WNT3A: variants seen among roughly 807,000 people sequenced by gnomAD.
The protein encoded by WNT3A is Wnt family member 3A, also known as protein Wnt-3a.
A neutral mutation model predicts 37.0 loss-of-function variants in WNT3A; 17 were observed. The ratio of observed to expected loss-of-function variants is 0.46; its 90% CI spans 0.31 to 0.69. The LOEUF is 0.69. WNT3A is among the 30% of genes least tolerant of loss of function. WNT3A has a pLI of 0.05. For missense variants in WNT3A, 411 were observed against 510.2 expected (o/e 0.81, Z 1.87); for synonymous variants, 187 against 211.0 (o/e 0.89, Z 0.99).
In WNT3A at chr1:228,031,514, T is replaced by C. The variant is rs2031008820; in HGVS notation, c.313+8606T>C. On this transcript the variant is annotated intron_variant, in intron 2 of 3. Coordinates refer to ENST00000284523, the MANE Select transcript of WNT3A (RefSeq NM_033131.4). This position sits in a 1 kb window ranked among gnomAD's most constrained non-coding sequence, Gnocchi z 4.8. ...TGTGTGGCGTGTGATGCATTGTGTG[T>C]ATGTGAGTGTGCACGTGTGTGGGAA... Among the ~76,000 whole-genome samples the C allele has an allele frequency of 1.3e-5, 2 of 152,152 alleles. No individual in the cohort carries two copies. The highest frequency in any genetic ancestry group is 4.1e-4 in the South Asian group (2 of 4,822).
At chr1:228,057,023 G>T (rs908610725) in intron 3 of WNT3A, among the ~76,000 whole-genome samples, 4 of 152,118 alleles carry the variant, frequency 2.6e-5, no homozygotes, top group African/African-American at 9.7e-5. Flanking sequence ...AAATCTGCAA[G>T]AAAATGAAAT....
In WNT3A at chr1:228,007,472, G is replaced by A. The variant is rs2030232623; in HGVS notation, c.71+273G>A. Among the ~76,000 whole-genome samples the A allele has an allele frequency of 6.6e-6, 1 of 152,184 alleles. No individual in the cohort carries two copies. The highest frequency in any genetic ancestry group is 1.5e-5 in the Non-Finnish European group (1 of 68,020). On this transcript the variant is annotated intron_variant, in intron 1 of 3. Coordinates refer to ENST00000284523, the MANE Select transcript of WNT3A (RefSeq NM_033131.4). This position sits in a 1 kb window ranked among gnomAD's most constrained non-coding sequence, Gnocchi z 6.0. ...CCTAGCTGCCCCTGGCGTCGGACAG[G>A]GCGAGCAGTGGGCTGGGGAGAGGCT...
Position 228,060,253 on chromosome 1 carries a change from AC to A in WNT3A, c.*793del. 7.4e-7 allele frequency: 1 copy of A among 1,351,176 alleles called. No homozygotes were observed. The highest frequency in any genetic ancestry group is 1.5e-5 in the African/African-American group (1 of 67,610). 83.7% of individuals were successfully genotyped at this position (1,351,176 alleles called of 1,614,324 possible). On this transcript the variant is annotated 3_prime_UTR_variant, in exon 4 of 4. Coordinates refer to ENST00000284523, the MANE Select transcript of WNT3A (RefSeq NM_033131.4). ...CAGCCCACCAGCCACCTCATCCCCA[AC>A]CCCCTGTAAGGTTCCATCCACCCCT... is the stretch of plus-strand genomic sequence containing the variant.
At chr1:228,033,046 G>GT (rs1396171129) in intron 2 of WNT3A, among the ~76,000 whole-genome samples, 1 of 152,180 alleles carries the variant, frequency 6.6e-6, no homozygotes, top group African/African-American at 2.4e-5. Context: ...TCGTTGAGTT[G>GT]TAAGAGTGCT....
chr1:228,032,214 G>A lies in WNT3A; in HGVS notation c.313+9306G>A, dbSNP rs118086606. On this transcript the variant is annotated intron_variant, in intron 2 of 3. Transcript: ENST00000284523. The stretch of plus-strand genomic sequence containing the variant: ...GCATCTGAGCCCAGCTGGAGGCCAG[G>A]AGGAAGCTAGCCTCATGAGTCACAC... Among the ~76,000 whole-genome samples, 688 of 152,340 alleles carry A rather than the reference G, an allele frequency of 4.5e-3. 23 individuals carry two copies. The highest frequency in any genetic ancestry group is 0.038 in the East Asian group (197 of 5,180).
At chr1:228,040,752 G>A (rs905872262) in intron 2 of WNT3A, among the ~76,000 whole-genome samples, 2 of 151,788 alleles carry the variant, frequency 1.3e-5, no homozygotes, top group Non-Finnish European at 2.9e-5. Context: ...TGGGCATGGT[G>A]GTGGGCACCT....
chr1:228,018,734 G>T (rs961656362), intron 1 of WNT3A, among the ~76,000 whole-genome samples: 13 of 152,144 alleles, frequency 8.5e-5, no homozygotes, highest in African/African-American at 2.9e-4. Context: ...GATCCTTCAA[G>T]GCCCAGCCAA....
Position 228,058,992 on chromosome 1 carries a change from G to T in WNT3A, c.586G>T (p.Ala196Ser), listed in dbSNP as rs1057507875. The T allele has an allele frequency of 6.2e-7, 1 of 1,609,014 alleles. No individual in the cohort carries two copies. Among genetic ancestry groups the T allele is most frequent in the Non-Finnish European group, 8.5e-7 (1 of 1,177,620 alleles). Residue 196 changes from alanine to serine, a missense_variant, in exon 4 of 4, where the codon GCC (alanine) becomes TCC (serine). Ala to Ser is a moderately conservative substitution (Grantham distance 99). Transcript: ENST00000284523. Reference sequence around the variant, plus strand: ...TCCTGCGCGTGCCCCGCAGGCCATCGCCAGCCACATGCACCTCAAGTGCAA... The same window carrying T: ...TCCTGCGCGTGCCCCGCAGGCCATCTCCAGCCACATGCACCTCAAGTGCAA... Reference protein sequence around the residue: ...HNNEAGRQAIASHMHLKCKCH... With the variant: ...HNNEAGRQAISSHMHLKCKCH...
intron 3 of WNT3A, among the ~76,000 whole-genome samples, chr1:228,058,270 C>T (rs1036723145): frequency 3.3e-5 from 5 of 152,246 alleles, no homozygotes; most frequent in African/African-American, 1.2e-4. Context: ...TCTGAATTCA[C>T]ACTGCCATGC....
intron 2 of WNT3A, among the ~76,000 whole-genome samples, chr1:228,029,058 G>A (rs1393117260): frequency 1.3e-5 from 2 of 152,102 alleles, no homozygotes; most frequent in Admixed American, 1.3e-4. Flanking sequence ...GGGAACGCCG[G>A]CCTTCACTGT....
intron 1 of WNT3A, among the ~76,000 whole-genome samples, chr1:228,012,699 G>A (rs1471669866): frequency 6.6e-6 from 1 of 152,154 alleles, no homozygotes; most frequent in Non-Finnish European, 1.5e-5. Context: ...GGGGAAGAAG[G>A]ATTAGACTGT....
intron 1 of WNT3A, among the ~76,000 whole-genome samples, chr1:228,010,512 A>C (rs2030339321): frequency 1.3e-5 from 2 of 152,146 alleles, no homozygotes; most frequent in Admixed American, 1.3e-4. Context: ...AGCCACCTGG[A>C]GTTGCTGCCA....
chr1:228,013,885 A>G (rs2030449396), intron 1 of WNT3A, among the ~76,000 whole-genome samples: 1 of 152,182 alleles, frequency 6.6e-6, no homozygotes, highest in Non-Finnish European at 1.5e-5. Context: ...TGATCTTAAG[A>G]AGACAAAGAT....
chr1:228,023,822 C>T (rs993807518), intron 2 of WNT3A, among the ~76,000 whole-genome samples: 4 of 152,202 alleles, frequency 2.6e-5, no homozygotes, highest in African/African-American at 4.8e-5. Context: ...CAGCCATTCC[C>T]GTTCTTCTCC....
At chr1:228,054,926 C>CGGGTGGACAACCTGAGGTTAG (rs57084903) in intron 3 of WNT3A, among the ~76,000 whole-genome samples, 24 of 150,330 alleles carry the variant, frequency 1.6e-4, no homozygotes, top group African/African-American at 5.6e-4. Flanking sequence ...GAGGCCGAGG[C>CGGGTGGACAACCTGAGGTTAG]GAGTTCGAGA....
chr1:228,012,282 G>T (rs1437009936), intron 1 of WNT3A, among the ~76,000 whole-genome samples: 1 of 152,202 alleles, frequency 6.6e-6, no homozygotes, highest in Non-Finnish European at 1.5e-5. Context: ...GACCCCGTTG[G>T]GGCTTCTCAA....
chr1:228,027,561 A>C (rs934247585), intron 2 of WNT3A, among the ~76,000 whole-genome samples: 4 of 152,072 alleles, frequency 2.6e-5, no homozygotes, highest in African/African-American at 9.7e-5. Flanking sequence ...TTTTTTGGCC[A>C]TTTGTACATC....
chr1:228,023,047 C>G, intron 2 of WNT3A, 139 bp downstream of exon 2: 1 of 1,357,386 alleles, frequency 7.4e-7, no homozygotes, highest in Non-Finnish European at 9.8e-7. Flanking sequence ...CCGCTTACCT[C>G]CAGGAGGACG....
At chr1:228,025,262 ATTGCC>A in intron 2 of WNT3A, among the ~76,000 whole-genome samples, 1 of 152,230 alleles carries the variant, frequency 6.6e-6, no homozygotes, top group East Asian at 1.9e-4. Context: ...CTTGGGAAGC[ATTGCC>A]TCCTTAACAA....
Sources: allele counts gnomAD v4.1 joint callset (sites outside exome capture counted in the v4.1 genomes callset), GRCh38; gene constraint gnomAD v4.1.1; non-coding constraint Gnocchi (gnomAD v3.1); transcripts MANE v1.5; gene names NCBI Gene and HGNC (gene_info 2026-07-23, HGNC 2026-07-21).